The following KDM4C variants were observed in gnomAD, a reference collection of about 807,000 sequenced individuals.
KDM4C encodes the protein lysine-specific demethylase 4C.
A neutral mutation model predicts 129.3 loss-of-function variants in KDM4C; 81 were observed. The observed-to-expected ratio is 0.63, with a 90% confidence interval of 0.52 to 0.75. The LOEUF is 0.75. Among genes scored for constraint, KDM4C ranks in the 30% least tolerant of loss-of-function variants. The probability of loss-of-function intolerance (pLI) is 0.00; values close to 1 mark genes in which losing one functional copy is unlikely to be tolerated. For missense variants in KDM4C, 1,457 were observed against 1,304.0 expected, an observed-to-expected ratio of 1.12 and a Z score of -1.81; for synonymous variants, 573 against 456.1, an observed-to-expected ratio of 1.26 and a Z score of -3.26.
chr9:6,921,587 C>G (rs1821523908), intron 8 of KDM4C, among the ~76,000 whole-genome samples: 2 of 152,220 alleles, frequency 1.3e-5, no homozygotes, highest in South Asian at 4.1e-4. Context: ...ATTGGCCTGG[C>G]TATGCCAGTG....
At chr9:6,911,456 G>T (rs1819290257) in intron 8 of KDM4C, among the ~76,000 whole-genome samples, 1 of 152,156 alleles carries the variant, frequency 6.6e-6, no homozygotes, top group Non-Finnish European at 1.5e-5. Context: ...GCTAGTTAAT[G>T]ATTTTGATGA....
chr9:6,930,016 T>G (rs1326260910), intron 8 of KDM4C, among the ~76,000 whole-genome samples: 1 of 152,242 alleles, frequency 6.6e-6, no homozygotes, highest in African/African-American at 2.4e-5. Context: ...AGTCTCATTT[T>G]AACTCTTACT....
chr9:6,731,086 T>C (rs911144907), intron 1 of KDM4C, among the ~76,000 whole-genome samples: 1 of 152,118 alleles, frequency 6.6e-6, no homozygotes, highest in African/African-American at 2.4e-5. Flanking sequence ...ACTTGAGTCA[T>C]TGATGTCACT....
intron 18 of KDM4C, among the ~76,000 whole-genome samples, chr9:7,117,565 C>T (rs1419183682): frequency 1.3e-5 from 2 of 151,262 alleles, no homozygotes; most frequent in Non-Finnish European, 2.9e-5. Flanking sequence ...TTCAACATTG[C>T]TTTGAGTATT....
chr9:7,165,514 C>G (rs922785960), intron 20 of KDM4C, among the ~76,000 whole-genome samples, 157 bp downstream of exon 20: 20 of 152,204 alleles, frequency 1.3e-4, no homozygotes, highest in African/African-American at 3.9e-4. Flanking sequence ...TGACCCAGGT[C>G]GAAACCCTGG....
chr9:6,973,562 C>A (rs1832368873), intron 8 of KDM4C, among the ~76,000 whole-genome samples: 1 of 152,136 alleles, frequency 6.6e-6, no homozygotes, highest in Admixed American at 6.5e-5. Context: ...GACTCACACT[C>A]AAAATTAGTA....
intron 17 of KDM4C, chr9:7,076,317 G>A: frequency 1.4e-6 from 1 of 702,274 alleles, no homozygotes; most frequent in South Asian, 1.7e-5. Context: ...ATACATATGG[G>A]AAGTGTCTGA....
In KDM4C at chr9:7,013,749, C is replaced by T. The variant is rs770946877; in HGVS notation, c.1969-39C>T. The T allele has an allele frequency of 2.5e-6, 4 of 1,589,068 alleles. No individual in the cohort carries two copies. The Admixed American group carries it at 6.7e-5, about 27-fold the overall frequency. On this transcript the variant is annotated intron_variant, in intron 13 of 21. Transcript: ENST00000381309. The stretch of plus-strand genomic sequence containing the variant: ...AGTGACTAGAATGATGAGCTCTTTT[C>T]CATGTTTTTCACTCATGTGGAAACG...
At chr9:6,855,178 C>G (rs1253936771) in intron 5 of KDM4C, among the ~76,000 whole-genome samples, 2 of 152,096 alleles carry the variant, frequency 1.3e-5, no homozygotes, top group Non-Finnish European at 2.9e-5. Flanking sequence ...TTATAAATGA[C>G]AGCCAGGCGC....
chr9:7,165,442 A>G lies in KDM4C; in HGVS notation c.2901+85A>G. On this transcript the variant is annotated intron_variant, in intron 20 of 21. Transcript: ENST00000381309. ...AGTATCTCAAGTGTGCTGCTGAACA[A>G]TAAGCCACATGAATTTGGGACACCT... 11 of 1,448,820 alleles carry G rather than the reference A, an allele frequency of 7.6e-6. 1 individual carries two copies. Among genetic ancestry groups the G allele is most frequent in the South Asian group, 6.5e-5 (5 of 76,442 alleles). 89.7% of individuals were successfully genotyped at this position (1,448,820 alleles called of 1,614,324 possible).
intron 8 of KDM4C, among the ~76,000 whole-genome samples, chr9:6,901,400 C>T (rs1418228525): frequency 1.3e-5 from 2 of 152,142 alleles, no homozygotes; most frequent in Admixed American, 6.5e-5. Context: ...GATATGTGCT[C>T]CTAGGGTTGG....
chr9:6,799,796 G>T (rs372144375), intron 2 of KDM4C, among the ~76,000 whole-genome samples: 108 of 152,046 alleles, frequency 7.1e-4, no homozygotes, highest in African/African-American at 2.6e-3. Flanking sequence ...AAAAAAGTTA[G>T]TTTTTATAAC....
intron 11 of KDM4C, among the ~76,000 whole-genome samples, chr9:6,989,580 A>T (rs892177476): frequency 1.3e-5 from 2 of 151,974 alleles, no homozygotes; most frequent in African/African-American, 4.8e-5. Flanking sequence ...AAAAGAGAAT[A>T]CTTTTGGTTT....
intron 4 of KDM4C, among the ~76,000 whole-genome samples, chr9:6,825,130 G>C (rs1833677341): frequency 7.8e-6 from 1 of 127,948 alleles, no homozygotes; most frequent in South Asian, 2.6e-4. Context: ...TGGGCAACCA[G>C]AGTGAAACTC....
chr9:6,929,476 T>TC (rs1339404801), intron 8 of KDM4C, among the ~76,000 whole-genome samples: 2 of 81,248 alleles, frequency 2.5e-5, no homozygotes, highest in East Asian at 3.0e-4. Flanking sequence ...TTTTTCTTTT[T>TC]TTTTTTTTTT....
intron 8 of KDM4C, chr9:6,924,615 C>A: frequency 2.9e-6 from 1 of 339,184 alleles, no homozygotes; most frequent in Non-Finnish European, 4.2e-6. Flanking sequence ...CTTGCCCACG[C>A]CAATTCAGTC....
chr9:7,103,807 G>A lies in KDM4C; in HGVS notation c.2547G>A (p.Glu849=). The A allele has an allele frequency of 2.5e-6, 4 of 1,614,008 alleles. No homozygotes were observed. The South Asian group carries it at 4.4e-5, about 18-fold the overall frequency. The change falls in exon 18 of 22, where the codon GAG becomes GAA. Residue 849 remains glutamate, a synonymous_variant. Transcript: ENST00000381309. ...TCAHAAGVLM[E]PDDWPYVVNI... The stretch of plus-strand genomic sequence containing the variant: ...CCCATGCTGCTGGGGTACTGATGGA[G>A]CCTGATGACTGGCCTTATGTGGTGA...
chr9:6,959,913 A>G (rs1324083183), intron 8 of KDM4C, among the ~76,000 whole-genome samples: 2 of 127,394 alleles, frequency 1.6e-5, no homozygotes, highest in Non-Finnish European at 3.3e-5. Flanking sequence ...TACGAAAGTG[A>G]CAACAGCTGT....
At chr9:6,770,207 A>G (rs370696220) in intron 1 of KDM4C, among the ~76,000 whole-genome samples, 1 of 148,250 alleles carries the variant, frequency 6.7e-6, no homozygotes, top group Non-Finnish European at 1.5e-5. Flanking sequence ...CAAACAAACA[A>G]AAAACACCAA....
Sources: allele counts gnomAD v4.1 joint callset (sites outside exome capture counted in the v4.1 genomes callset), GRCh38; gene constraint gnomAD v4.1.1; transcripts MANE v1.5; gene names NCBI Gene and HGNC (gene_info 2026-07-23, HGNC 2026-07-21).